Variants in SORD observed in about 807,000 individuals in gnomAD.
SORD encodes the protein sorbitol dehydrogenase.
Under a neutral mutation model 35.6 loss-of-function variants are expected in SORD, and 18 were observed. That is an observed-to-expected ratio of 0.51 (90% CI 0.35 to 0.75). The LOEUF (loss-of-function observed/expected upper bound fraction) is 0.75, where lower values mean the gene tolerates loss of function less well. Among genes scored for constraint, SORD ranks in the 30% least tolerant of loss-of-function variants. SORD has a pLI of 0.01. For missense variants in SORD, 250 were observed against 390.2 expected, an observed-to-expected ratio of 0.64 and a Z score of 3.03; for synonymous variants, 106 against 152.9, an observed-to-expected ratio of 0.69 and a Z score of 2.26.
In SORD at chr15:45,061,129, C is replaced by G; in HGVS notation, c.328C>G (p.Arg110Gly). The change falls in exon 4 of 9, where the codon CGA becomes GGA. Residue 110 changes from arginine to glycine, a missense_variant. Physicochemically the swap from Arg to Gly is moderately radical, Grantham distance 125. Around this residue, in one of 8 missense-constraint regions of SORD, gnomAD observed 126 missense variants for 148.7 expected, o/e 0.85. Coordinates refer to ENST00000267814, the MANE Select transcript of SORD (RefSeq NM_003104.6). Reference sequence around the variant, plus strand: ...AAATGATGAATTCTGCAAGATGGGCCGATACAATCTGTCACCTTCCATCTT... The same window carrying G: ...AAATGATGAATTCTGCAAGATGGGCGGATACAATCTGTCACCTTCCATCTT... ...RENDEFCKMGRYNLSPSIFFC... is the reference protein window; with the variant it reads ...RENDEFCKMGGYNLSPSIFFC... 2 of 1,614,140 alleles carry G rather than the reference C, an allele frequency of 1.2e-6. No individual in the cohort carries two copies. The highest frequency in any genetic ancestry group is 1.7e-6 in the Non-Finnish European group (2 of 1,180,008).
At chr15:45,057,607 A>G (rs932494331) in intron 3 of SORD, among the ~76,000 whole-genome samples, 1 of 152,154 alleles carries the variant, frequency 6.6e-6, no homozygotes, top group African/African-American at 2.4e-5. Context: ...ACATGGTGAA[A>G]CCCCGTCTCT....
intron 6 of SORD, 122 bp downstream of exon 6, chr15:45,068,368 A>C (rs991263369): frequency 9.4e-6 from 7 of 747,170 alleles, no homozygotes; most frequent in Non-Finnish European, 1.7e-5. Flanking sequence ...TGTCATATGG[A>C]TTGTGGAAAT....
rs1893388795 is a variant in SORD, at chr15:45,065,399, A to G, written c.544+10A>G. On this transcript the variant is annotated intron_variant, in intron 5 of 8. Coordinates refer to ENST00000267814, the MANE Select transcript of SORD (RefSeq NM_003104.6). Reference sequence around the variant, plus strand: ...CTTGTGTGTGGAGCTGGTAAGAAACAGAAGCCACCCTGTTGCGGGTTCATT... The same window carrying G: ...CTTGTGTGTGGAGCTGGTAAGAAACGGAAGCCACCCTGTTGCGGGTTCATT... 6.3e-7 allele frequency: 1 copy of G among 1,596,102 alleles called. No individual in the cohort carries two copies. Among genetic ancestry groups the G allele is most frequent in the Non-Finnish European group, 8.5e-7 (1 of 1,173,052 alleles).
chr15:45,038,188 CTTCCTTCT>C (rs1892904495), intron 1 of SORD, among the ~76,000 whole-genome samples: 2 of 124,482 alleles, frequency 1.6e-5, no homozygotes, highest in Admixed American at 8.1e-5. Context: ...TCCTTCCTTC[CTTCCTTCT>C]GATGTAGCCA....
chr15:45,068,518 T>C (rs1012738402), intron 6 of SORD, among the ~76,000 whole-genome samples: 4 of 150,538 alleles, frequency 2.7e-5, no homozygotes, highest in Admixed American at 2.6e-4. Context: ...AGAGCAGGGG[T>C]GTCCAATCTT....
intron 4 of SORD, among the ~76,000 whole-genome samples, chr15:45,064,914 T>C (rs1195798145): frequency 2.0e-5 from 3 of 152,200 alleles, no homozygotes; most frequent in Non-Finnish European, 4.4e-5. Context: ...AAGAAAACCA[T>C]GTTGCCTTCT....
At chr15:45,057,825 G>C (rs1274566928) in intron 3 of SORD, among the ~76,000 whole-genome samples, 1 of 152,090 alleles carries the variant, frequency 6.6e-6, no homozygotes, top group African/African-American at 2.4e-5. Context: ...AGATTCACTG[G>C]GCAGTGCTGG....
At chr15:45,055,891 C>T (rs12907366) in intron 3 of SORD, among the ~76,000 whole-genome samples, 9,455 of 151,990 alleles carry the variant, frequency 0.062, 382 homozygotes, top group South Asian at 0.1. Flanking sequence ...ACAAAAACCA[C>T]GTGATTATCT....
Position 45,023,291 on chromosome 15 carries a change from C to G in SORD, c.8C>G (p.Ala3Gly), listed in dbSNP as rs759994583. The change falls in exon 1 of 9, where the codon GCG becomes GGG. Residue 3 changes from alanine (A) to glycine (G), a missense_variant. Coordinates refer to ENST00000267814, the MANE Select transcript of SORD (RefSeq NM_003104.6). MA[A>G]AAKPNNLSLV... is the part of the protein sequence containing the mutation. ...CAGAGCCAAAAGAGCTCCATGGCGG[C>G]GGCGGCCAAGCCCAACAACCTTTCC... 1.3e-6 allele frequency: 2 copies of G among 1,583,948 alleles called. No homozygotes were observed. Among genetic ancestry groups the G allele is most frequent in the East Asian group, 2.4e-5 (1 of 42,320 alleles).
At chr15:45,048,594 G>A (rs1007119466) in intron 3 of SORD, among the ~76,000 whole-genome samples, 1 of 152,172 alleles carries the variant, frequency 6.6e-6, no homozygotes, top group Non-Finnish European at 1.5e-5. Context: ...ACCCAGGCAT[G>A]GTGGCATGCA....
intron 5 of SORD, 132 bp from the exon 6 acceptor site, chr15:45,068,049 G>C (rs1442496623): frequency 4.2e-6 from 3 of 721,682 alleles, no homozygotes; most frequent in African/African-American, 3.5e-5. Context: ...AGCCGCTAAG[G>C]TCTTATCATG....
Position 45,068,905 on chromosome 15 carries a change from C to G in SORD, c.639C>G (p.Ala213=). 3 of 1,556,070 alleles carry G rather than the reference C, an allele frequency of 1.9e-6. No individual in the cohort carries two copies. The highest frequency in any genetic ancestry group is 2.6e-6 in the Non-Finnish European group (3 of 1,153,508). ...TDLSATRLSK[A]KEIGADLVLQ... is the part of the protein sequence containing the mutation. ...TGTCTGCTACCCGATTGTCCAAAGCCAAGGAGATTGGGGCTGATTTAGTCC... is the reference window on the plus strand; with the variant it reads ...TGTCTGCTACCCGATTGTCCAAAGCGAAGGAGATTGGGGCTGATTTAGTCC... The change falls in exon 7 of 9, where the codon GCC becomes GCG. Residue 213 remains alanine, a synonymous_variant. Coordinates refer to ENST00000267814, the MANE Select transcript of SORD (RefSeq NM_003104.6).
chr15:45,065,063 A>G (rs1236135285), intron 4 of SORD, among the ~76,000 whole-genome samples: 3 of 152,204 alleles, frequency 2.0e-5, no homozygotes, highest in Non-Finnish European at 4.4e-5. Context: ...CATCTGTAAA[A>G]TGGGAATGAT....
intron 4 of SORD, among the ~76,000 whole-genome samples, chr15:45,061,615 C>T (rs1213048053): frequency 3.3e-5 from 5 of 151,872 alleles, no homozygotes; most frequent in Admixed American, 3.3e-4. Flanking sequence ...TGCCTGTAAT[C>T]CCAGCACTTT....
At chr15:45,028,198 A>C (rs1892708412) in intron 1 of SORD, among the ~76,000 whole-genome samples, 1 of 89,840 alleles carries the variant, frequency 1.1e-5, no homozygotes, top group Admixed American at 1.1e-4. Flanking sequence ...GTGGTGGTGC[A>C]CAACCTGTAA....
intron 1 of SORD, among the ~76,000 whole-genome samples, chr15:45,027,419 G>C (rs1892692846): frequency 6.6e-6 from 1 of 152,272 alleles, no homozygotes; most frequent in African/African-American, 2.4e-5. Context: ...ATTCATCTTT[G>C]GTTGTATGAG....
chr15:45,052,912 T>G (rs765973962), intron 3 of SORD, among the ~76,000 whole-genome samples: 3 of 152,152 alleles, frequency 2.0e-5, no homozygotes, highest in Non-Finnish European at 4.4e-5. Flanking sequence ...GAATCTTCTC[T>G]CAGTTGCTTA....
intron 1 of SORD, among the ~76,000 whole-genome samples, chr15:45,029,855 C>T (rs1892744744): frequency 6.6e-6 from 1 of 152,246 alleles, no homozygotes; most frequent in South Asian, 2.1e-4. Flanking sequence ...CAGGTTGTCT[C>T]CTCCCCGAAG....
At chr15:45,042,061 G>C (rs1240218621) in intron 2 of SORD, among the ~76,000 whole-genome samples, 1 of 152,208 alleles carries the variant, frequency 6.6e-6, no homozygotes, top group Non-Finnish European at 1.5e-5. Context: ...GTGCATAGCA[G>C]AGATTTGGGT....
Sources: allele counts gnomAD v4.1 joint callset (sites outside exome capture counted in the v4.1 genomes callset), GRCh38; gene constraint gnomAD v4.1.1; regional missense constraint gnomAD v4.1.1; transcripts MANE v1.5; gene names NCBI Gene and HGNC (gene_info 2026-07-23, HGNC 2026-07-21).